Variants in COX7A2L observed in about 807,000 individuals in gnomAD.
The protein encoded by COX7A2L is cytochrome c oxidase subunit 7A2-like, mitochondrial.
Under a neutral mutation model 14.2 loss-of-function variants are expected in COX7A2L, and 18 were observed. The observed-to-expected ratio is 1.27, with a 90% CI of 0.88 to 1.88. The LOEUF is 1.88. Among genes scored for constraint, COX7A2L ranks in the 40% most tolerant of loss-of-function variants. COX7A2L has a pLI of 0.00. For synonymous variants in COX7A2L, 65 were observed against 57.4 expected, an observed-to-expected ratio of 1.13 and a Z score of -0.60; for missense variants, 179 against 138.8, an observed-to-expected ratio of 1.29 and a Z score of -1.46.
intron 1 of COX7A2L, among the ~76,000 whole-genome samples, chr2:42,358,346 C>T (rs564828770): frequency 5.3e-5 from 8 of 152,338 alleles, no homozygotes; most frequent in Non-Finnish European, 1.2e-4. Context: ...ATCCCACCAA[C>T]TGCTTGCTGT....
intron 2 of COX7A2L, among the ~76,000 whole-genome samples, chr2:42,336,396 C>A (rs1429658281): frequency 1.3e-5 from 2 of 152,184 alleles, no homozygotes; most frequent in East Asian, 3.9e-4. Flanking sequence ...GACATCAACT[C>A]CTGACAGGGT....
intron 1 of COX7A2L, among the ~76,000 whole-genome samples, chr2:42,356,502 A>T (rs755282696): frequency 6.6e-6 from 1 of 152,266 alleles, no homozygotes; most frequent in Non-Finnish European, 1.5e-5. Context: ...TGTTCAAATA[A>T]ACTAAAGAAG....
chr2:42,347,253 G>C (rs904083173), downstream of COX7A2L, among the ~76,000 whole-genome samples: 8 of 149,592 alleles, frequency 5.3e-5, no homozygotes, highest in Admixed American at 6.7e-5. Context: ...TGTAGACAAA[G>C]GTAAAAAGAA....
upstream of COX7A2L, among the ~76,000 whole-genome samples, chr2:42,364,175 C>T (rs369480732): frequency 1.3e-4 from 20 of 149,040 alleles, no homozygotes; most frequent in African/African-American, 5.0e-4. Context: ...GGCGTGAACC[C>T]GGGAGGCGGA....
chr2:42,361,311 C>A (rs1003908456), upstream of COX7A2L: 1 of 687,512 alleles, frequency 1.5e-6, no homozygotes, highest in Non-Finnish European at 2.4e-6. Flanking sequence ...AAAACCTGCA[C>A]ACTTAAGCCG....
At chr2:42,354,675 C>T (rs927266720) in intron 1 of COX7A2L, among the ~76,000 whole-genome samples, 2 of 152,170 alleles carry the variant, frequency 1.3e-5, no homozygotes, top group African/African-American at 4.8e-5. Flanking sequence ...GTAAACTTGG[C>T]TTCTATTTCT....
At position 42,360,537 on chromosome 2, in the gene COX7A2L, A is replaced by G. The variant is rs1005807652; in HGVS notation, c.72+553T>C. 6.6e-5 allele frequency among the ~76,000 whole-genome samples: 10 copies of G among 152,288 alleles called. 1 individual carries two copies. The highest frequency in any genetic ancestry group is 2.6e-4 in the Admixed American group (4 of 15,300). ...ATCTGTCAAATATTTTACAATCGGG[A>G]AAGTGTAACCTCGCTGCATGCAACT... On this transcript the variant is annotated intron_variant, in intron 1 of 2. Transcript: ENST00000234301.
chr2:42,360,199 A>T (rs950703449), intron 1 of COX7A2L, among the ~76,000 whole-genome samples: 1 of 152,226 alleles, frequency 6.6e-6, no homozygotes, highest in Non-Finnish European at 1.5e-5. Context: ...TTAGGAGGGA[A>T]TATACTATCT....
In COX7A2L at chr2:42,351,228, T is replaced by C; in HGVS notation, c.336A>G (p.Lys112=). Residue 112 remains lysine, a synonymous_variant, in exon 3 of 3, where the codon AAA becomes AAG. Transcript: ENST00000234301. The part of the protein sequence containing the change: ...LIALYMASQP[K]NK ...TCCTCTGCAGCCTAACTCATTTGTT[T>C]TTGGGCTGCGAAGCCATGTAGAGGG... 1 of 1,613,790 alleles carries C rather than the reference T, an allele frequency of 6.2e-7. No homozygotes were observed. Among genetic ancestry groups the C allele is most frequent in the East Asian group, 2.2e-5 (1 of 44,872 alleles).
chr2:42,345,946 G>C (rs12472029), downstream of COX7A2L, among the ~76,000 whole-genome samples: 40,109 of 152,090 alleles, frequency 0.26, 5,909 homozygotes, highest in East Asian at 0.55. Flanking sequence ...GTCTTCCTCT[G>C]AGTAAACAAA....
At chr2:42,364,760 T>G (rs1037494524), upstream of COX7A2L, among the ~76,000 whole-genome samples, 2 of 152,164 alleles carry the variant, frequency 1.3e-5, no homozygotes, top group African/African-American at 4.8e-5. Context: ...GCTAAAGAGC[T>G]GAGGGTCTGA....
chr2:42,345,929 G>A (rs959139454), downstream of COX7A2L, among the ~76,000 whole-genome samples: 2 of 152,188 alleles, frequency 1.3e-5, no homozygotes, highest in Non-Finnish European at 2.9e-5. Context: ...CGGTGAGAGG[G>A]AGGAGGGTCT....
At chr2:42,347,309 T>A (rs1451993442), downstream of COX7A2L, among the ~76,000 whole-genome samples, 7,885 of 86,204 alleles carry the variant, frequency 0.091, 708 homozygotes, top group African/African-American at 0.28. Flanking sequence ...ACCAGCACCT[T>A]TTTTTTTTTT....
At position 42,352,966 on chromosome 2, in the gene COX7A2L, T is replaced by TC. The variant is rs907683651; in HGVS notation, c.204+245dup. The TC allele has an allele frequency of 2.0e-4, 109 of 549,900 alleles. No homozygotes were observed. The African/African-American group carries it at 2.1e-3, about 10-fold the overall frequency. 34.1% of individuals were successfully genotyped at this position (549,900 alleles called of 1,614,324 possible). A position where few individuals can be genotyped will look rare whatever the true frequency, so the allele number is the denominator to read the frequency against. ...CATGCAATAAATGATCAAGAGCTAT[T>TC]CATGCCATTTCAAAACCCTCACACC... On this transcript the variant is annotated intron_variant, in intron 2 of 2. Transcript: ENST00000234301.
chr2:42,347,984 G>C (rs1242817060), downstream of COX7A2L, among the ~76,000 whole-genome samples: 2 of 152,198 alleles, frequency 1.3e-5, no homozygotes, highest in Non-Finnish European at 2.9e-5. Flanking sequence ...AGAGGAAACT[G>C]AGGTAAGGAA....
upstream of COX7A2L, among the ~76,000 whole-genome samples, chr2:42,363,326 G>A (rs1671099215): frequency 6.6e-6 from 1 of 152,214 alleles, no homozygotes; most frequent in Non-Finnish European, 1.5e-5. Context: ...CTTTCATAGA[G>A]TTTAGATTGA....
At chr2:42,347,546 A>C (rs555744675), downstream of COX7A2L, among the ~76,000 whole-genome samples, 1 of 152,330 alleles carries the variant, frequency 6.6e-6, no homozygotes, top group South Asian at 2.1e-4. Context: ...AATATAGAAA[A>C]ATGAGACAGA....
intron 2 of COX7A2L, among the ~76,000 whole-genome samples, chr2:42,336,079 G>C (rs1252862829): frequency 6.6e-6 from 1 of 152,200 alleles, no homozygotes; most frequent in Non-Finnish European, 1.5e-5. Context: ...TCCAGGCTTT[G>C]GGCAATTTCC....
chr2:42,349,305 G>A (rs1168471182), downstream of COX7A2L: 1 of 152,194 alleles, frequency 6.6e-6, no homozygotes, highest in Non-Finnish European at 1.5e-5. Flanking sequence ...CAACATGGAT[G>A]AGCCTTAAAA....
Sources: allele counts gnomAD v4.1 joint callset (sites outside exome capture counted in the v4.1 genomes callset), GRCh38; gene constraint gnomAD v4.1.1; transcripts MANE v1.5; gene names NCBI Gene and HGNC (gene_info 2026-07-23, HGNC 2026-07-21).